The following IL1RAPL1 variants were observed in gnomAD, a reference collection of about 807,000 sequenced individuals.
IL1RAPL1 encodes interleukin 1 receptor accessory protein like 1, also known as interleukin-1 receptor accessory protein-like 1.
A neutral mutation model predicts 48.4 loss-of-function variants in IL1RAPL1; 3 were observed. That is an observed-to-expected ratio of 0.06 (90% CI 0.03 to 0.16). The LOEUF is 0.16. Among genes scored for constraint, IL1RAPL1 ranks in the 10% least tolerant of loss-of-function variants. The probability of loss-of-function intolerance (pLI) is 1.00; values close to 1 mark genes in which losing one functional copy is unlikely to be tolerated. For missense variants in IL1RAPL1, 349 were observed against 530.6 expected (o/e 0.66, Z 3.36); for synonymous variants, 185 against 187.7 (o/e 0.99, Z 0.12).
At chrX:29,586,168 T>C (rs1453980557) in intron 5 of IL1RAPL1, among the ~76,000 whole-genome samples, 1 of 112,043 alleles carries the variant, frequency 8.9e-6, no homozygotes, top group African/African-American at 3.2e-5. Flanking sequence ...ATAGTAGTTT[T>C]ACAGTTTCAG....
At chrX:29,862,754 T>A (rs749008765) in intron 6 of IL1RAPL1, among the ~76,000 whole-genome samples, 4 of 110,456 alleles carry the variant, frequency 3.6e-5, no homozygotes, top group Non-Finnish European at 7.6e-5. Context: ...CAAAACAATA[T>A]CTATCGGTAG....
At chrX:29,652,021 A>G (rs971025254) in intron 5 of IL1RAPL1, among the ~76,000 whole-genome samples, 2 of 111,906 alleles carry the variant, frequency 1.8e-5, no homozygotes, top group Non-Finnish European at 3.8e-5. Flanking sequence ...AAGTAACTGA[A>G]GCATATCTCA....
At chrX:29,084,942 C>T (rs747170204) in intron 2 of IL1RAPL1, among the ~76,000 whole-genome samples, 26 of 112,169 alleles carry the variant, frequency 2.3e-4, no homozygotes, top group Admixed American at 1.9e-3. Context: ...ATCCACCTGC[C>T]TCGGCCTCCC....
At chrX:29,130,955 G>T (rs1439225191) in intron 2 of IL1RAPL1, among the ~76,000 whole-genome samples, 6 of 112,314 alleles carry the variant, frequency 5.3e-5, no homozygotes, top group Admixed American at 3.8e-4. Flanking sequence ...TGGGGATTGC[G>T]GCTGATTTGT....
In IL1RAPL1 at chrX:29,767,552, C is replaced by G. The variant is rs1171376844; in HGVS notation, c.778+99048C>G. ...CAGAATATGTTACAAGGCAGGTTAG[C>G]ATTAATTGCTAACCAAGTGATATAG... On this transcript the variant is annotated intron_variant, in intron 6 of 10. Coordinates refer to ENST00000378993, the MANE Select transcript of IL1RAPL1 (RefSeq NM_014271.4). Among the ~76,000 whole-genome samples the G allele has an allele frequency of 2.7e-5, 3 of 111,695 alleles. No homozygotes were observed. In the East Asian group the frequency reaches 8.4e-4, roughly 31 times the overall value.
chrX:28,840,357 A>G (rs1409509974), intron 2 of IL1RAPL1, among the ~76,000 whole-genome samples: 1 of 110,296 alleles, frequency 9.1e-6, no homozygotes, highest in Non-Finnish European at 1.9e-5. Context: ...TTTAACACTA[A>G]AACTTTAAAA....
At chrX:29,917,726 TAAAG>T (rs751803618) in intron 7 of IL1RAPL1, 130 bp downstream of exon 7, 5 of 513,296 alleles carry the variant, frequency 9.7e-6, no homozygotes, top group Non-Finnish European at 1.6e-5. Context: ...TATTTAATGA[TAAAG>T]AAGCAAAACA....
chrX:29,203,722 A>AATATAGATATATATATAG, intron 2 of IL1RAPL1, among the ~76,000 whole-genome samples: 1 of 78,414 alleles, frequency 1.3e-5, no homozygotes, highest in African/African-American at 5.4e-5. Flanking sequence ...TCCGTCTCAA[A>AATATAGATATATATATAG]ATATATATAT....
intron 2 of IL1RAPL1, among the ~76,000 whole-genome samples, chrX:29,277,655 G>A (rs963614536): frequency 1.1e-4 from 12 of 111,911 alleles, no homozygotes; most frequent in Non-Finnish European, 1.9e-4. Flanking sequence ...CTACTTTTTA[G>A]TTATTATTCC....
Position 29,076,802 on chromosome X carries a change from G to GTCTGTCTGTCTATCTATCTA in IL1RAPL1, c.83-206133_83-206132insGTCTGTCTATCTATCTATCT, listed in dbSNP as rs568595100. 5.4e-3 allele frequency among the ~76,000 whole-genome samples: 528 copies of GTCTGTCTGTCTATCTATCTA among 97,248 alleles called. 6 individuals carry two copies. Among genetic ancestry groups the GTCTGTCTGTCTATCTATCTA allele is most frequent in the South Asian group, 0.017 (33 of 1,897 alleles). 84.4% of individuals were successfully genotyped at this position (97,248 alleles called of 115,157 possible). On this transcript the variant is annotated intron_variant, in intron 2 of 10. Transcript: ENST00000378993. ...TATCTGTCTGTCTGTCTGTCTGTCT[G>GTCTGTCTGTCTATCTATCTA]TCTATCTATCTATCTATCTATCTAT...
chrX:29,622,217 A>T (rs965283726), intron 5 of IL1RAPL1, among the ~76,000 whole-genome samples: 20 of 112,454 alleles, frequency 1.8e-4, no homozygotes, highest in African/African-American at 6.4e-4. Flanking sequence ...TCAATAGCAT[A>T]GGCCTGAATG....
intron 1 of IL1RAPL1, among the ~76,000 whole-genome samples, chrX:28,704,852 G>T (rs1935355880): frequency 1.4e-5 from 1 of 70,320 alleles, no homozygotes; most frequent in Non-Finnish European, 2.5e-5. Context: ...AAAAAAAACT[G>T]TGACTGGAGC....
intron 3 of IL1RAPL1, among the ~76,000 whole-genome samples, chrX:29,340,601 G>A (rs753485801): frequency 4.5e-5 from 5 of 111,504 alleles, no homozygotes; most frequent in Admixed American, 9.5e-5. Flanking sequence ...TCCTTTGGTC[G>A]TGTGGCACTG....
chrX:28,837,647 G>A (rs917917964), intron 2 of IL1RAPL1, among the ~76,000 whole-genome samples: 1 of 103,966 alleles, frequency 9.6e-6, no homozygotes, highest in Non-Finnish European at 2.0e-5. Flanking sequence ...CTCTTACAGA[G>A]GTGCTACCAC....
intron 6 of IL1RAPL1, among the ~76,000 whole-genome samples, chrX:29,892,365 A>T (rs941667493): frequency 5.4e-5 from 6 of 111,967 alleles, no homozygotes; most frequent in African/African-American, 1.9e-4. Context: ...ATCTCTGAAA[A>T]TTTTCCATCA....
chrX:28,776,738 TC>T (rs1936366325), intron 1 of IL1RAPL1, among the ~76,000 whole-genome samples: 1 of 111,916 alleles, frequency 8.9e-6, no homozygotes, highest in African/African-American at 3.2e-5. Context: ...AACAATAGCA[TC>T]TACCTGATTA....
Position 29,889,366 on chromosome X carries a change from C to T in IL1RAPL1, c.779-28098C>T, listed in dbSNP as rs1284798780. Among the ~76,000 whole-genome samples the T allele has an allele frequency of 5.4e-5, 6 of 111,614 alleles. No individual in the cohort carries two copies. In the Admixed American group the frequency reaches 5.7e-4, roughly 11 times the overall value. On this transcript the variant is annotated intron_variant, in intron 6 of 10. Transcript: ENST00000378993. Reference sequence around the variant, plus strand: ...CATATTTCCACCAGTTTGAAATTTGCACTTCAAACTTCCTATTTTTATTCA... The same window carrying T: ...CATATTTCCACCAGTTTGAAATTTGTACTTCAAACTTCCTATTTTTATTCA...
intron 5 of IL1RAPL1, among the ~76,000 whole-genome samples, chrX:29,601,954 A>C (rs1465433706): frequency 1.8e-5 from 2 of 111,675 alleles, no homozygotes; most frequent in Non-Finnish European, 3.8e-5. Context: ...GTTTCTTTGG[A>C]GTATTCATTT....
At chrX:29,473,257 A>G (rs188474671) in intron 5 of IL1RAPL1, among the ~76,000 whole-genome samples, 5 of 111,864 alleles carry the variant, frequency 4.5e-5, no homozygotes. Context: ...GTCAGATTAG[A>G]TTAGAGGCCC....
Sources: allele counts gnomAD v4.1 joint callset (sites outside exome capture counted in the v4.1 genomes callset), GRCh38; gene constraint gnomAD v4.1.1; transcripts MANE v1.5; gene names NCBI Gene and HGNC (gene_info 2026-07-23, HGNC 2026-07-21).